Variants in HHIPL2 observed in about 807,000 individuals in gnomAD.
The protein encoded by HHIPL2 is HHIP like 2, also known as HHIP-like protein 2.
In HHIPL2, 61 loss-of-function variants were observed where a neutral mutation model predicts 61.0. The observed-to-expected ratio is 1.00, with a 90% CI of 0.81 to 1.24. HHIPL2 has a LOEUF of 1.24. Among genes scored for constraint, HHIPL2 ranks in the 50% most tolerant of loss-of-function variants. The probability of loss-of-function intolerance (pLI) is 0.00; values close to 1 mark genes in which losing one functional copy is unlikely to be tolerated. For synonymous variants in HHIPL2, 343 were observed against 357.4 expected, an observed-to-expected ratio of 0.96 and a Z score of 0.45; for missense variants, 885 against 910.2, an observed-to-expected ratio of 0.97 and a Z score of 0.36.
At chr1:222,524,539 C>T (rs995860883) in intron 7 of HHIPL2, among the ~76,000 whole-genome samples, 15 of 152,214 alleles carry the variant, frequency 9.9e-5, no homozygotes, top group Middle Eastern at 3.2e-3. Flanking sequence ...ACTCATTTTA[C>T]AGAGGGGAAA....
Position 222,547,731 on chromosome 1 carries a change from AG to A in HHIPL2, c.313del (p.Leu105PhefsTer47). On this transcript the variant is annotated frameshift_variant, in exon 1 of 9. Coordinates refer to ENST00000343410, the MANE Select transcript of HHIPL2 (RefSeq NM_024746.4). LOFTEE classifies it high-confidence loss of function. ...ELCGDYIKDI[L>X]CQECSPYAAH... The stretch of plus-strand genomic sequence containing the variant: ...GAAGGCACTTTTCACTACCTGGCAA[AG>A]GATGTCTTTAATGTAATCTCCACAC... 6.2e-7 allele frequency: 1 copy of A among 1,610,430 alleles called. No homozygotes were observed. The highest frequency in any genetic ancestry group is 8.5e-7 in the Non-Finnish European group (1 of 1,176,852).
rs1204082214 is a variant in HHIPL2 at position 222,522,830 on chromosome 1, C to T, written c.1946G>A (p.Ser649Asn). Reference sequence around the variant, plus strand: ...GGCTGGGCCAGAAGCTAAGGTTGCACTGGAAGATTTTCTAGCAGCTTTCTC... The same window carrying T: ...GGCTGGGCCAGAAGCTAAGGTTGCATTGGAAGATTTTCTAGCAGCTTTCTC... Reference protein sequence around the residue: ...QSEKAARKSSSATLASGPAQG... With the variant: ...QSEKAARKSSNATLASGPAQG... The change falls in exon 9 of 9, where the codon AGT becomes AAT. Residue 649 changes from serine (S) to asparagine (N), a missense_variant. Transcript: ENST00000343410. The T allele has an allele frequency of 6.2e-7, 1 of 1,614,202 alleles. No individual in the cohort carries two copies. The highest frequency in any genetic ancestry group is 8.5e-7 in the Non-Finnish European group (1 of 1,180,038).
Position 222,547,844 on chromosome 1 carries a change from G to A in HHIPL2, c.201C>T (p.Phe67=), listed in dbSNP as rs777269842. 17 of 1,614,040 alleles carry A rather than the reference G, an allele frequency of 1.1e-5. 1 individual carries two copies. Among genetic ancestry groups the A allele is most frequent in the South Asian group, 4.4e-5 (4 of 91,086 alleles). The stretch of plus-strand genomic sequence containing the variant: ...GGTCCTTGTGCTGATCACAGCAGCC[G>A]AAGGACTCATAGTCAGAGCAAAACT... ...HLEFCSDYES[F]GCCDQHKDRR... The change falls in exon 1 of 9, where the codon TTC becomes TTT. Residue 67 remains phenylalanine, a synonymous_variant. Transcript: ENST00000343410.
In HHIPL2 at chr1:222,547,746, T is replaced by G. The variant is rs768676547; in HGVS notation, c.299A>C (p.Tyr100Ser). ...DLKRHELCGD[Y>S]IKDILCQECS... ...TACCTGGCAAAGGATGTCTTTAATG[T>G]AATCTCCACACAGCTCATGTCTCTT... Residue 100 changes from tyrosine (Y) to serine (S), a missense_variant, in exon 1 of 9, where the codon TAC (tyrosine) becomes TCC (serine). Coordinates refer to ENST00000343410, the MANE Select transcript of HHIPL2 (RefSeq NM_024746.4). 5.0e-5 allele frequency: 80 copies of G among 1,613,344 alleles called. 1 individual carries two copies. The highest frequency in any genetic ancestry group is 6.7e-5 in the Non-Finnish European group (79 of 1,179,414).
intron 6 of HHIPL2, among the ~76,000 whole-genome samples, chr1:222,529,115 C>A (rs1431615904): frequency 6.6e-6 from 1 of 152,204 alleles, no homozygotes; most frequent in East Asian, 1.9e-4. Flanking sequence ...AGCCACCACA[C>A]AACAGCTCTA....
intron 5 of HHIPL2, among the ~76,000 whole-genome samples, chr1:222,535,751 T>G (rs991640580): frequency 2.0e-5 from 3 of 152,106 alleles, no homozygotes; most frequent in Non-Finnish European, 2.9e-5. Context: ...TGATTTCATT[T>G]AGGACCCACC....
intron 1 of HHIPL2, among the ~76,000 whole-genome samples, chr1:222,547,103 C>G (rs1389815697): frequency 2.6e-5 from 4 of 152,230 alleles, no homozygotes; most frequent in African/African-American, 9.6e-5. Context: ...AACGATGCCT[C>G]CCAGGCATGT....
chr1:222,544,131 C>T lies in HHIPL2; in HGVS notation c.380G>A (p.Arg127Gln), dbSNP rs369051817. The change falls in exon 2 of 9, where the codon CGG (arginine) becomes CAG (glutamine). Residue 127 changes from arginine (R) to glutamine (Q), a missense_variant. By Grantham distance (43) the Arg-to-Gln change is conservative. Coordinates refer to ENST00000343410, the MANE Select transcript of HHIPL2 (RefSeq NM_024746.4). ...ATCAGAGCAGAGGCCCGGGAGATTCCGGAGAGGCGTCTGGGTGTTTTCGGC... is the reference window on the plus strand; with the variant it reads ...ATCAGAGCAGAGGCCCGGGAGATTCTGGAGAGGCGTCTGGGTGTTTTCGGC... ...YDAENTQTPL[R>Q]NLPGLCSDYC... is the part of the protein sequence containing the mutation. 8.8e-5 allele frequency: 142 copies of T among 1,613,762 alleles called. No individual in the cohort carries two copies. Among genetic ancestry groups the T allele is most frequent in the Non-Finnish European group, 1.2e-4 (140 of 1,180,034 alleles).
chr1:222,543,596 T>TCGGATCTTTTCTACCTTCTTCTC lies in HHIPL2; in HGVS notation c.914_915insGAGAAGAAGGTAGAAAAGATCCG (p.Ile306ArgfsTer4). ...CCCGAGAAACCTTCATCTCACTAAT[T>TCGGATCTTTTCTACCTTCTTCTC]CGGATCTTTTCTACCTTCTTCTTGT... On this transcript the variant is annotated stop_gained and frameshift_variant, in exon 2 of 9. Transcript: ENST00000343410. LOFTEE classifies it high-confidence loss of function. The TCGGATCTTTTCTACCTTCTTCTC allele has an allele frequency of 6.2e-7, 1 of 1,614,160 alleles. No homozygotes were observed. The highest frequency in any genetic ancestry group is 1.1e-5 in the South Asian group (1 of 91,082).
At chr1:222,527,637 T>A (rs1048961272) in intron 6 of HHIPL2, among the ~76,000 whole-genome samples, 1 of 152,110 alleles carries the variant, frequency 6.6e-6, no homozygotes, top group Non-Finnish European at 1.5e-5. Context: ...CTGATATGGT[T>A]TGGCTGTGTC....
intron 6 of HHIPL2, among the ~76,000 whole-genome samples, chr1:222,531,518 C>G (rs1304000564): frequency 6.6e-6 from 1 of 152,154 alleles, no homozygotes; most frequent in African/African-American, 2.4e-5. Flanking sequence ...GAGGCTGAGG[C>G]GGGCAGATCA....
intron 4 of HHIPL2, chr1:222,539,114 C>T (rs1003065778): frequency 3.8e-6 from 1 of 265,376 alleles, no homozygotes; most frequent in East Asian, 8.7e-5. Flanking sequence ...AATATTGTCA[C>T]AGTCTGTAAG....
intron 7 of HHIPL2, among the ~76,000 whole-genome samples, chr1:222,526,487 C>T (rs560152038): frequency 6.4e-4 from 97 of 152,002 alleles, no homozygotes; most frequent in Admixed American, 2.3e-3. Flanking sequence ...AGGTGAATCA[C>T]CTGAGGTCGG....
intron 5 of HHIPL2, among the ~76,000 whole-genome samples, chr1:222,537,752 G>A (rs1468864423): frequency 3.3e-5 from 5 of 151,836 alleles, no homozygotes; most frequent in African/African-American, 1.2e-4. Context: ...AAAGAGTTCA[G>A]CAAGGTTGCC....
At chr1:222,538,246 G>GTGTGTA (rs1196912536) in intron 5 of HHIPL2, among the ~76,000 whole-genome samples, 14 of 125,812 alleles carry the variant, frequency 1.1e-4, no homozygotes, top group Admixed American at 9.7e-4. Context: ...GTGTGTGTGT[G>GTGTGTA]TGTATGTATG....
In HHIPL2 at chr1:222,531,961, GTTACCTGCTTCA is replaced by G. The variant is rs780724857; in HGVS notation, c.1716_1723+4del. 25 of 1,600,530 alleles carry G rather than the reference GTTACCTGCTTCA, an allele frequency of 1.6e-5. No individual in the cohort carries two copies. The highest frequency in any genetic ancestry group is 1.7e-4 in the Middle Eastern group (1 of 6,036). ...AGAAATCAAACAACTCTGTACATTT[GTTACCTGCTTCA>G]TCTTCAGCAAAGGAGATGATGAACT... On this transcript the variant is annotated splice_donor_variant and splice_donor_region_variant and coding_sequence_variant and intron_variant, in exon 6 of 9. Coordinates refer to ENST00000343410, the MANE Select transcript of HHIPL2 (RefSeq NM_024746.4). LOFTEE classifies it high-confidence loss of function.
At chr1:222,528,625 AGTGTTCG>A (rs1659120377) in intron 6 of HHIPL2, among the ~76,000 whole-genome samples, 5 of 152,158 alleles carry the variant, frequency 3.3e-5, no homozygotes, top group African/African-American at 1.2e-4. Flanking sequence ...AAAAAAAGAA[AGTGTTCG>A]ATAATCGTAG....
At chr1:222,523,932 G>A (rs984343455) in intron 7 of HHIPL2, 75 of 513,172 alleles carry the variant, frequency 1.5e-4, no homozygotes, top group Non-Finnish European at 2.4e-4. Context: ...TAGGAGTATG[G>A]GCATGGTGGC....
At chr1:222,525,708 G>A (rs1043777449) in intron 7 of HHIPL2, among the ~76,000 whole-genome samples, 2 of 152,170 alleles carry the variant, frequency 1.3e-5, no homozygotes, top group Admixed American at 1.3e-4. Flanking sequence ...TAAATCTAGA[G>A]CACTGGGGCA....
Sources: gnomAD v4.1 joint callset for allele counts (sites outside exome capture counted in the v4.1 genomes callset) on GRCh38, gnomAD v4.1.1 for gene constraint, MANE v1.5 for transcripts, NCBI Gene and HGNC (gene_info 2026-07-23, HGNC 2026-07-21) for gene names.